The following BEND7 variants were observed in gnomAD, a reference collection of about 807,000 sequenced individuals.
The protein encoded by BEND7 is BEN domain containing 7, also known as BEN domain-containing protein 7.
Under a neutral mutation model 50.9 loss-of-function variants are expected in BEND7, and 28 were observed. That is an observed-to-expected ratio of 0.55 (90% confidence interval 0.41 to 0.75). The LOEUF (loss-of-function observed/expected upper bound fraction) is 0.75, where lower values mean the gene tolerates loss of function less well. Among genes scored for constraint, BEND7 ranks in the 30% least tolerant of loss-of-function variants. The pLI is 0.00. For synonymous variants in BEND7, 170 were observed against 183.9 expected, an observed-to-expected ratio of 0.92 and a Z score of 0.61; for missense variants, 477 against 491.3, an observed-to-expected ratio of 0.97 and a Z score of 0.28.
In BEND7 at chr10:13,480,997, T is replaced by A; in HGVS notation, c.965A>T (p.Asp322Val). ...FRKLVCAFFD[D>V]KTLANSLPNG... ...GGGTAAGGAGTTAGCCAAAGTCTTG[T>A]CATCAAAAAACGCACACACCAGTTT... Residue 322 changes from aspartate (D) to valine (V), a missense_variant, in exon 6 of 9, where the codon GAC becomes GTC. Asp to Val is a radical substitution (Grantham distance 152, BLOSUM62 -3). Transcript: ENST00000466271. 6.2e-7 allele frequency: 1 copy of A among 1,614,180 alleles called. No individual in the cohort carries two copies. The highest frequency in any genetic ancestry group is 8.5e-7 in the Non-Finnish European group (1 of 1,180,028).
At chr10:13,485,584 A>C (rs921415005) in intron 5 of BEND7, among the ~76,000 whole-genome samples, 1 of 152,250 alleles carries the variant, frequency 6.6e-6, no homozygotes, top group East Asian at 1.9e-4. Context: ...TGAAAAGCCT[A>C]TAACAGGATT....
At chr10:13,457,092 G>T (rs1489351386) in intron 6 of BEND7, among the ~76,000 whole-genome samples, 2 of 152,172 alleles carry the variant, frequency 1.3e-5, no homozygotes, top group African/African-American at 4.8e-5. Flanking sequence ...CTCCCCCCTT[G>T]TAATATTATT....
rs1835257830 is a variant in BEND7 at position 13,441,121 on chromosome 10, T to A, written c.*622A>T. 1.0e-6 allele frequency: 1 copy of A among 985,378 alleles called. No individual in the cohort carries two copies. Among genetic ancestry groups the A allele is most frequent in the South Asian group, 4.7e-5 (1 of 21,284 alleles). 61.0% of individuals were successfully genotyped at this position (985,378 alleles called of 1,614,324 possible). On this transcript the variant is annotated 3_prime_UTR_variant, in exon 9 of 9. Transcript: ENST00000466271. ...AAGTAATTTATTGTATTCTTCCAGA[T>A]CAGACATAAAGAGCATCTTGGGAAT...
At chr10:13,520,520 A>T (rs955224022) in intron 2 of BEND7, among the ~76,000 whole-genome samples, 4 of 152,072 alleles carry the variant, frequency 2.6e-5, no homozygotes, top group African/African-American at 9.7e-5. Flanking sequence ...AAGGGAGCTG[A>T]AGTCTCTAAG....
chr10:13,527,826 CTA>C, intron 1 of BEND7: 1 of 983,766 alleles, frequency 1.0e-6, no homozygotes, highest in Non-Finnish European at 1.2e-6. Context: ...AATACAAACC[CTA>C]GAGTGTGGTG....
intron 2 of BEND7, among the ~76,000 whole-genome samples, chr10:13,502,470 T>C (rs1048254978): frequency 1.3e-5 from 2 of 152,100 alleles, no homozygotes; most frequent in Non-Finnish European, 2.9e-5. Flanking sequence ...CAATAAATCA[T>C]ATTCCAGATT....
intron 6 of BEND7, among the ~76,000 whole-genome samples, chr10:13,474,000 A>G (rs2075180942): frequency 1.3e-5 from 2 of 151,818 alleles, no homozygotes; most frequent in Admixed American, 1.3e-4. Flanking sequence ...CTCAGGGCTG[A>G]TATCTGTCAT....
chr10:13,495,603 G>C (rs922080290), intron 4 of BEND7, among the ~76,000 whole-genome samples: 1 of 152,088 alleles, frequency 6.6e-6, no homozygotes, highest in Non-Finnish European at 1.5e-5. Flanking sequence ...TAGAGGTTTC[G>C]GTGAGCCGAG....
rs1409463448 is a variant in BEND7, at chr10:13,489,186, G to A, written c.837+3425C>T. ...CATTCTACAGAGAGAAATGGAGTGG[G>A]GAGGGGTCAGGTTCATTGCTCAGGG... On this transcript the variant is annotated intron_variant, in intron 5 of 8. Coordinates refer to ENST00000466271, the MANE Select transcript of BEND7 (RefSeq NM_001369863.1). 5.3e-5 allele frequency among the ~76,000 whole-genome samples: 8 copies of A among 152,128 alleles called. No homozygotes were observed. In the East Asian group the frequency reaches 1.5e-3, roughly 29 times the overall value.
chr10:13,485,544 C>A (rs111261121), intron 5 of BEND7, among the ~76,000 whole-genome samples: 3,064 of 152,244 alleles, frequency 0.02, 114 homozygotes, highest in African/African-American at 0.07. Flanking sequence ...GAGGCAGGAT[C>A]CTGCTGAACA....
intron 2 of BEND7, among the ~76,000 whole-genome samples, chr10:13,514,861 G>A (rs369285764): frequency 6.6e-6 from 1 of 152,244 alleles, no homozygotes. Flanking sequence ...CTTTTAAAAG[G>A]TACCTGAACC....
chr10:13,526,226 C>T lies in BEND7; in HGVS notation c.62-5G>A, dbSNP rs544247345. ...TATACACCTCGTGGTGATAATCTGG[C>T]ATGAGAAAACAACCAAAAATTAGAA... On this transcript the variant is annotated splice_polypyrimidine_tract_variant and splice_region_variant and intron_variant, in intron 1 of 8. Coordinates refer to ENST00000466271, the MANE Select transcript of BEND7 (RefSeq NM_001369863.1). 106 of 1,283,732 alleles carry T rather than the reference C, an allele frequency of 8.3e-5. 2 individuals are homozygous for T. The South Asian group carries it at 1.2e-3, about 15-fold the overall frequency. 79.5% of individuals were successfully genotyped at this position (1,283,732 alleles called of 1,614,324 possible). A position where few individuals can be genotyped will look rare whatever the true frequency, so the allele number is the denominator to read the frequency against.
rs565799516 is a variant in BEND7 at position 13,493,054 on chromosome 10, C to G, written c.572-178G>C. Reference sequence around the variant, plus strand: ...GTTACCAAACGCAGGCTCTGAAGCACTTTCAAGTCCTAAAGGCAGAAAAAT... The same window carrying G: ...GTTACCAAACGCAGGCTCTGAAGCAGTTTCAAGTCCTAAAGGCAGAAAAAT... On this transcript the variant is annotated intron_variant, in intron 4 of 8. Coordinates refer to ENST00000466271, the MANE Select transcript of BEND7 (RefSeq NM_001369863.1). Among the ~76,000 whole-genome samples, 4 of 152,310 alleles carry G rather than the reference C, an allele frequency of 2.6e-5. 1 individual carries two copies. In the South Asian group the frequency reaches 8.3e-4, roughly 32 times the overall value.
At chr10:13,491,554 G>A (rs2076664359) in intron 5 of BEND7, among the ~76,000 whole-genome samples, 1 of 150,520 alleles carries the variant, frequency 6.6e-6, no homozygotes, top group Non-Finnish European at 1.5e-5. Flanking sequence ...ATTGTAGCAA[G>A]TGTTTATAGA....
intron 6 of BEND7, among the ~76,000 whole-genome samples, chr10:13,470,327 G>A (rs986892408): frequency 3.3e-5 from 5 of 152,194 alleles, no homozygotes; most frequent in East Asian, 1.9e-4. Flanking sequence ...TGTCCACAAC[G>A]GCAACAGTGC....
intron 6 of BEND7, among the ~76,000 whole-genome samples, chr10:13,475,000 C>A (rs940924636): frequency 2.3e-4 from 35 of 152,278 alleles, no homozygotes; most frequent in African/African-American, 8.4e-4. Context: ...TAGCATGGGA[C>A]CCAGAAGTCT....
At chr10:13,520,800 C>T (rs1022059076) in intron 2 of BEND7, among the ~76,000 whole-genome samples, 1 of 152,120 alleles carries the variant, frequency 6.6e-6, no homozygotes, top group Non-Finnish European at 1.5e-5. Context: ...ATGGAGTGCC[C>T]GGATGGCCTA....
At chr10:13,486,492 G>A (rs995627413) in intron 5 of BEND7, among the ~76,000 whole-genome samples, 3 of 152,220 alleles carry the variant, frequency 2.0e-5, no homozygotes, top group African/African-American at 4.8e-5. Flanking sequence ...GATGGGACAG[G>A]AGCATGCTCG....
At chr10:13,529,251 G>C (rs778551184), upstream of BEND7, among the ~76,000 whole-genome samples, 7 of 149,626 alleles carry the variant, frequency 4.7e-5, no homozygotes, top group Non-Finnish European at 1.0e-4. Context: ...CGCCGCCCGG[G>C]CCTCCGCTCG....
Sources: allele counts gnomAD v4.1 joint callset (sites outside exome capture counted in the v4.1 genomes callset), GRCh38; gene constraint gnomAD v4.1.1; transcripts MANE v1.5; gene names NCBI Gene and HGNC (gene_info 2026-07-23, HGNC 2026-07-21).